Variants in KCNH5 observed in about 807,000 individuals in gnomAD.
The protein encoded by KCNH5 is potassium voltage-gated channel subfamily H member 5.
A neutral mutation model predicts 96.1 loss-of-function variants in KCNH5; 46 were observed. That is an observed-to-expected ratio of 0.48 (90% CI 0.38 to 0.61). KCNH5 has a LOEUF of 0.61. Ranked by LOEUF, KCNH5 falls within the 20% of genes least tolerant of loss-of-function variation. KCNH5 has a pLI of 0.00. For missense variants in KCNH5, 907 were observed against 1,225.8 expected (o/e 0.74, Z 3.88); for synonymous variants, 439 against 449.8 (o/e 0.98, Z 0.30).
At chr14:62,949,764 A>G (rs902587324) in intron 7 of KCNH5, 7 of 191,132 alleles carry the variant, frequency 3.7e-5, no homozygotes, top group Admixed American at 5.5e-5. Flanking sequence ...TAACTAGAAT[A>G]TTTATAAACA....
intron 10 of KCNH5, among the ~76,000 whole-genome samples, chr14:62,757,870 G>A (rs1346575087): frequency 1.3e-5 from 2 of 152,166 alleles, no homozygotes; most frequent in African/African-American, 4.8e-5. Context: ...TTACAGCCGA[G>A]GGTGGTGGCT....
intron 8 of KCNH5, among the ~76,000 whole-genome samples, chr14:62,834,603 G>A (rs1242166551): frequency 6.6e-6 from 1 of 151,966 alleles, no homozygotes; most frequent in East Asian, 1.9e-4. Flanking sequence ...AAATAGGATA[G>A]AAATCTGACA....
intron 7 of KCNH5, among the ~76,000 whole-genome samples, chr14:62,850,605 G>A (rs1887784663): frequency 6.6e-6 from 1 of 152,024 alleles, no homozygotes; most frequent in South Asian, 2.1e-4. Flanking sequence ...AGCCCCAACT[G>A]CTCCCTCCTC....
rs1238806544 is a variant in KCNH5, at chr14:62,704,112, C to A, written c.*3396G>T. ...TGATAATGGTACTTTAGTTAGCGGTCACAACTAATTTTCCTATTAAAGTGT... is the reference window on the plus strand; with the variant it reads ...TGATAATGGTACTTTAGTTAGCGGTAACAACTAATTTTCCTATTAAAGTGT... On this transcript the variant is annotated 3_prime_UTR_variant, in exon 11 of 11. Coordinates refer to ENST00000322893, the MANE Select transcript of KCNH5 (RefSeq NM_139318.5). The A allele has an allele frequency of 1.3e-5, 2 of 151,792 alleles. No individual in the cohort carries two copies. Among genetic ancestry groups the A allele is most frequent in the Non-Finnish European group, 3.0e-5 (2 of 67,780 alleles). The allele number at this position is 151,792 out of a possible 1,614,324, so 9.4% of individuals were successfully genotyped here. A position where few individuals can be genotyped will look rare whatever the true frequency, so the allele number is the denominator to read the frequency against.
intron 6 of KCNH5, among the ~76,000 whole-genome samples, chr14:62,953,117 T>C (rs1890038067): frequency 6.6e-6 from 1 of 151,336 alleles, no homozygotes; most frequent in Non-Finnish European, 1.5e-5. Context: ...GCTTAAAAAG[T>C]AACAAAATAT....
intron 7 of KCNH5, among the ~76,000 whole-genome samples, chr14:62,944,815 C>T (rs909730086): frequency 1.3e-5 from 2 of 151,972 alleles, no homozygotes; most frequent in African/African-American, 4.8e-5. Flanking sequence ...AAGGTATCTC[C>T]CTGGAATACT....
At chr14:62,919,826 T>C (rs568729510) in intron 7 of KCNH5, among the ~76,000 whole-genome samples, 20 of 152,094 alleles carry the variant, frequency 1.3e-4, no homozygotes, top group Admixed American at 6.6e-4. Flanking sequence ...TCCCAGAGTA[T>C]TGACAGTCAA....
chr14:62,945,618 G>A (rs1889871681), intron 7 of KCNH5, among the ~76,000 whole-genome samples: 2 of 152,112 alleles, frequency 1.3e-5, no homozygotes, highest in South Asian at 4.1e-4. Flanking sequence ...TTCGGATCGT[G>A]GTAGGGACAA....
chr14:62,810,744 A>G (rs1048714478), intron 8 of KCNH5, among the ~76,000 whole-genome samples: 1 of 152,132 alleles, frequency 6.6e-6, no homozygotes, highest in East Asian at 1.9e-4. Context: ...TCATCAAGAA[A>G]TAACCATAAA....
In KCNH5 at chr14:62,824,019, T is replaced by TA. The variant is rs564210691; in HGVS notation, c.1570-21439dup. On this transcript the variant is annotated intron_variant, in intron 8 of 10. Transcript: ENST00000322893. Reference sequence around the variant, plus strand: ...AACACAAAAAGCAAAGAAAAAAACTTAAAAAAAATCTGAAAACATCAAACA... The same window carrying TA: ...AACACAAAAAGCAAAGAAAAAAACTTAAAAAAAAATCTGAAAACATCAAACA... Among the ~76,000 whole-genome samples the TA allele has an allele frequency of 4.0e-4, 60 of 151,510 alleles. No homozygotes were observed. The South Asian group carries it at 8.6e-3, about 22-fold the overall frequency.
intron 8 of KCNH5, among the ~76,000 whole-genome samples, chr14:62,843,998 AAGCAG>A (rs1267170465): frequency 2.0e-5 from 3 of 152,180 alleles, no homozygotes; most frequent in Non-Finnish European, 2.9e-5. Context: ...CTGTATTTGA[AAGCAG>A]AGTGCTTCTC....
At chr14:62,850,482 T>A (rs1265001335) in intron 7 of KCNH5, among the ~76,000 whole-genome samples, 1 of 152,200 alleles carries the variant, frequency 6.6e-6, no homozygotes, top group Non-Finnish European at 1.5e-5. Context: ...ATTAAATTCA[T>A]GTAATTATTC....
intron 4 of KCNH5, 79 bp downstream of exon 4, chr14:63,001,252 A>C (rs943015413): frequency 1.6e-5 from 21 of 1,329,402 alleles, no homozygotes; most frequent in Non-Finnish European, 2.1e-5. Flanking sequence ...TTTCCAGTTC[A>C]ATCAGCAGAG....
At chr14:62,892,835 C>T (rs555894461) in intron 7 of KCNH5, among the ~76,000 whole-genome samples, 5 of 152,138 alleles carry the variant, frequency 3.3e-5, no homozygotes, top group Non-Finnish European at 7.4e-5. Flanking sequence ...TATTTTAAGC[C>T]TATTGTTGAG....
At chr14:62,935,544 T>C (rs1466426513) in intron 7 of KCNH5, among the ~76,000 whole-genome samples, 1 of 152,166 alleles carries the variant, frequency 6.6e-6, no homozygotes, top group Non-Finnish European at 1.5e-5. Context: ...AATCCCTGGT[T>C]ATTTTTCCCA....
At chr14:63,014,246 C>T (rs999439890) in intron 2 of KCNH5, among the ~76,000 whole-genome samples, 8 of 152,068 alleles carry the variant, frequency 5.3e-5, no homozygotes, top group African/African-American at 1.9e-4. Flanking sequence ...TGTCATAACA[C>T]AGGATGAAAT....
intron 8 of KCNH5, among the ~76,000 whole-genome samples, chr14:62,817,273 T>TAC (rs962073151): frequency 2.0e-4 from 27 of 132,930 alleles, no homozygotes; most frequent in Non-Finnish European, 2.5e-4. Flanking sequence ...TATATATATA[T>TAC]ACACACACAC....
intron 8 of KCNH5, among the ~76,000 whole-genome samples, chr14:62,825,510 C>T (rs1425464610): frequency 6.6e-6 from 1 of 151,988 alleles, no homozygotes; most frequent in Non-Finnish European, 1.5e-5. Context: ...AGAAAAATCT[C>T]TCTGGAGAAA....
At chr14:62,759,573 A>ATATATATATATATTTTTTT (rs1171935428) in intron 10 of KCNH5, among the ~76,000 whole-genome samples, 1 of 151,086 alleles carries the variant, frequency 6.6e-6, no homozygotes, top group Non-Finnish European at 1.5e-5. Context: ...CGTAGGGTAT[A>ATATATATATATATTTTTTT]TTTTTTAATA....
Sources: gnomAD v4.1 joint callset for allele counts (sites outside exome capture counted in the v4.1 genomes callset) on GRCh38, gnomAD v4.1.1 for gene constraint, MANE v1.5 for transcripts, NCBI Gene and HGNC (gene_info 2026-07-23, HGNC 2026-07-21) for gene names.